The following RIMS3 variants were observed in gnomAD, a reference collection of about 807,000 sequenced individuals.
RIMS3 encodes regulating synaptic membrane exocytosis protein 3.
Under a neutral mutation model 29.2 loss-of-function variants are expected in RIMS3, and 15 were observed. The ratio of observed to expected loss-of-function variants is 0.51; its 90% CI spans 0.34 to 0.79. The LOEUF (loss-of-function observed/expected upper bound fraction) is 0.79. RIMS3 is among the 30% of genes least tolerant of loss of function. The pLI is 0.01. For synonymous variants in RIMS3, 161 were observed against 170.1 expected (o/e 0.95, Z 0.41); for missense variants, 342 against 421.4 (o/e 0.81, Z 1.65).
chr1:40,680,807 T>A, the RIMS3 span, among the ~76,000 whole-genome samples: 1 of 152,208 alleles, frequency 6.6e-6, no homozygotes, highest in Non-Finnish European at 1.5e-5. Context: ...AATTTCATGA[T>A]CTATTAATTA....
chr1:40,665,728 GGGGCGGGGCCGCGTGGAT>G (rs1406819213), upstream of RIMS3: 3 of 152,946 alleles, frequency 2.0e-5, no homozygotes, highest in African/African-American at 4.8e-5. Flanking sequence ...GGGCCTGCCG[GGGGCGGGGCCGCGTGGAT>G]GGGCGGGGCC....
chr1:40,652,361 C>G (rs933090995), intron 1 of RIMS3, among the ~76,000 whole-genome samples: 3 of 152,212 alleles, frequency 2.0e-5, no homozygotes, highest in Non-Finnish European at 2.9e-5. Flanking sequence ...TTCTAAGAAA[C>G]TTCCAAGTGA....
chr1:40,692,023 C>T, the RIMS3 span: 6 of 209,334 alleles, frequency 2.9e-5, no homozygotes, highest in South Asian at 1.2e-4. Context: ...GTGCTCTTGC[C>T]TGGCCCGCTG....
intron 3 of RIMS3, among the ~76,000 whole-genome samples, chr1:40,637,014 C>T (rs1302507618): frequency 6.6e-6 from 1 of 152,166 alleles, no homozygotes; most frequent in East Asian, 1.9e-4. Context: ...GCTGGAGGAA[C>T]TTGATGGGGA....
intron 1 of RIMS3, among the ~76,000 whole-genome samples, chr1:40,659,332 T>C (rs938119774): frequency 6.6e-6 from 1 of 152,108 alleles, no homozygotes; most frequent in African/African-American, 2.4e-5. Context: ...AATACCATGA[T>C]AAGAAGCCGA....
At chr1:40,630,030 C>T (rs1306281513) in intron 5 of RIMS3, among the ~76,000 whole-genome samples, 1 of 147,072 alleles carries the variant, frequency 6.8e-6, no homozygotes, top group East Asian at 2.0e-4. Flanking sequence ...CAAGATTGCA[C>T]CACAGCACTC....
rs766603701 is a variant in RIMS3 at position 40,641,841 on chromosome 1, C to G, written c.85G>C (p.Gly29Arg). Reference protein sequence around the residue: ...RSSSISGEICGSQQAGGGAGT... With the variant: ...RSSSISGEICRSQQAGGGAGT... ...GCCCCGCCCCCGGCTTGCTGGGATC[C>G]GCAGATTTCACCGCTAATGCTGGAG... Residue 29 changes from glycine (G) to arginine (R), a missense_variant, in exon 3 of 8, where the codon GGA (glycine) becomes CGA (arginine). By Grantham distance (125) the Gly-to-Arg change is moderately radical (BLOSUM62 -2). Coordinates refer to ENST00000372684, the MANE Select transcript of RIMS3 (RefSeq NM_014747.3). 30 of 1,613,290 alleles carry G rather than the reference C, an allele frequency of 1.9e-5. No individual in the cohort carries two copies. The highest frequency in any genetic ancestry group is 2.5e-5 in the Non-Finnish European group (30 of 1,179,356).
chr1:40,667,894 T>C (rs918908155), upstream of RIMS3, among the ~76,000 whole-genome samples: 14 of 152,186 alleles, frequency 9.2e-5, no homozygotes, highest in African/African-American at 2.7e-4. Flanking sequence ...TTTGGGAGGT[T>C]GAGGCGGGCA....
At chr1:40,686,519 T>C in the RIMS3 span, among the ~76,000 whole-genome samples, 3 of 152,034 alleles carry the variant, frequency 2.0e-5, no homozygotes, top group African/African-American at 7.2e-5. Flanking sequence ...TAGCCGAGCA[T>C]GGTCGCTGGT....
At chr1:40,659,408 G>A (rs1170705673) in intron 1 of RIMS3, among the ~76,000 whole-genome samples, 2 of 152,184 alleles carry the variant, frequency 1.3e-5, no homozygotes, top group Non-Finnish European at 2.9e-5. Context: ...GACGGGGTCA[G>A]TTCTGTGTTT....
chr1:40,667,809 C>T (rs180936251), upstream of RIMS3, among the ~76,000 whole-genome samples: 2,901 of 152,268 alleles, frequency 0.019, 98 homozygotes, highest in African/African-American at 0.066. Context: ...GATCCAGCCC[C>T]ACAAGGGAAT....
At chr1:40,681,840 ATTAT>A in the RIMS3 span, among the ~76,000 whole-genome samples, 3 of 152,028 alleles carry the variant, frequency 2.0e-5, no homozygotes, top group African/African-American at 7.2e-5. Context: ...TTTTTATTTT[ATTAT>A]TTATTTGAGA....
rs755463562 is a variant in RIMS3 at position 40,626,729 on chromosome 1, C to A, written c.715G>T (p.Val239Leu). ...DEGPQGKVLQ[V>L]IVWGDYGRMD... ...CGGCCATAGTCTCCCCAGACGATCA[C>A]CTGCCAGGAGGAAGAGAGGGAGGGA... Residue 239 changes from valine to leucine, a missense_variant and splice_region_variant, in exon 8 of 8, where the codon GTG becomes TTG. Val to Leu is a conservative substitution (Grantham distance 32). Transcript: ENST00000372684. 3 of 1,614,014 alleles carry A rather than the reference C, an allele frequency of 1.9e-6. No homozygotes were observed. The highest frequency in any genetic ancestry group is 1.7e-6 in the Non-Finnish European group (2 of 1,179,984).
chr1:40,623,583 T>C lies in RIMS3; in HGVS notation c.*2934A>G. The C allele has an allele frequency of 2.5e-6, 1 of 398,612 alleles. No individual in the cohort carries two copies. The highest frequency in any genetic ancestry group is 4.4e-6 in the Non-Finnish European group (1 of 226,124). 24.7% of individuals were successfully genotyped at this position (398,612 alleles called of 1,614,324 possible). A position where few individuals can be genotyped will look rare whatever the true frequency, so the allele number is the denominator to read the frequency against. On this transcript the variant is annotated 3_prime_UTR_variant, in exon 8 of 8. Transcript: ENST00000372684. Reference sequence around the variant, plus strand: ...GGGTTTCATCTGGGCAAGGGGGCATTTGGAGCCGGGACACTGAACATGGCA... The same window carrying C: ...GGGTTTCATCTGGGCAAGGGGGCATCTGGAGCCGGGACACTGAACATGGCA...
At chr1:40,631,119 G>C (rs1431327257) in intron 5 of RIMS3, among the ~76,000 whole-genome samples, 2 of 152,170 alleles carry the variant, frequency 1.3e-5, no homozygotes, top group African/African-American at 4.8e-5. Flanking sequence ...GGGGACGTGT[G>C]GGTCAGGTGC....
At chr1:40,686,091 G>C in the RIMS3 span, among the ~76,000 whole-genome samples, 1 of 152,172 alleles carries the variant, frequency 6.6e-6, no homozygotes, top group Non-Finnish European at 1.5e-5. Flanking sequence ...AGAGGTTGCA[G>C]TGAGCTGAGA....
At chr1:40,670,426 A>G (rs902023243), upstream of RIMS3, among the ~76,000 whole-genome samples, 9 of 151,768 alleles carry the variant, frequency 5.9e-5, 1 homozygote, top group African/African-American at 2.2e-4. Flanking sequence ...AGCTTACACA[A>G]AGGCCCTGAA....
At chr1:40,676,544 G>A in the RIMS3 span, among the ~76,000 whole-genome samples, 4 of 152,154 alleles carry the variant, frequency 2.6e-5, no homozygotes, top group South Asian at 2.1e-4. Flanking sequence ...TTTCTCCAGT[G>A]TCTTTTGGCT....
chr1:40,679,088 A>C, the RIMS3 span, among the ~76,000 whole-genome samples: 10 of 152,358 alleles, frequency 6.6e-5, no homozygotes, highest in African/African-American at 2.4e-4. Context: ...TTTTGCAATT[A>C]TGCTAACAGA....
Sources: allele counts gnomAD v4.1 joint callset (sites outside exome capture counted in the v4.1 genomes callset), GRCh38; gene constraint gnomAD v4.1.1; transcripts MANE v1.5; gene names NCBI Gene and HGNC (gene_info 2026-07-23, HGNC 2026-07-21).